The following TCTN2 variants were observed in gnomAD, a reference collection of about 807,000 sequenced individuals.
The protein encoded by TCTN2 is tectonic-2.
A neutral mutation model predicts 83.4 loss-of-function variants in TCTN2; 66 were observed. The ratio of observed to expected loss-of-function variants is 0.79; its 90% confidence interval spans 0.65 to 0.97. The LOEUF (loss-of-function observed/expected upper bound fraction) is 0.97. TCTN2 is among the 50% of genes least tolerant of loss of function. TCTN2 has a pLI of 0.00. For synonymous variants in TCTN2, 301 were observed against 326.7 expected (o/e 0.92, Z 0.85); for missense variants, 794 against 858.1 (o/e 0.93, Z 0.93).
intron 4 of TCTN2, among the ~76,000 whole-genome samples, chr12:123,676,164 C>T (rs1164813497): frequency 1.3e-5 from 2 of 152,048 alleles, no homozygotes; most frequent in Non-Finnish European, 2.9e-5. Context: ...CCTGTAGCCC[C>T]AGCTATGAGG....
chr12:123,707,211 G>T, intron 17 of TCTN2, 138 bp downstream of exon 17: 1 of 762,372 alleles, frequency 1.3e-6, no homozygotes, highest in Non-Finnish European at 2.2e-6. Flanking sequence ...CCACTTGGAA[G>T]TGATCACCAT....
At chr12:123,680,210 G>T (rs1372858426) in intron 5 of TCTN2, among the ~76,000 whole-genome samples, 1 of 151,610 alleles carries the variant, frequency 6.6e-6, no homozygotes, top group East Asian at 2.0e-4. Flanking sequence ...AAATTAGCCA[G>T]GCGTGTTGGT....
intron 4 of TCTN2, among the ~76,000 whole-genome samples, chr12:123,676,566 TAAAAAAAAAA>T (rs60100973): frequency 3.3e-5 from 2 of 60,696 alleles, no homozygotes; most frequent in Non-Finnish European, 6.0e-5. Context: ...AGACTCCATC[TAAAAAAAAAA>T]AAAAAAAAAA....
At chr12:123,706,005 C>T (rs1057128822) in intron 15 of TCTN2, among the ~76,000 whole-genome samples, 2 of 152,136 alleles carry the variant, frequency 1.3e-5, no homozygotes, top group Non-Finnish European at 2.9e-5. Flanking sequence ...ATCTGCCTGC[C>T]TCAGCCTCCC....
In TCTN2 at chr12:123,673,759, CTCAT is replaced by C; in HGVS notation, c.416_419del (p.Ile139LysfsTer10). 6.2e-7 allele frequency: 1 copy of C among 1,614,210 alleles called. No individual in the cohort carries two copies. The highest frequency in any genetic ancestry group is 1.1e-5 in the South Asian group (1 of 91,084). On this transcript the variant is annotated frameshift_variant, in exon 4 of 18. Coordinates refer to ENST00000303372, the MANE Select transcript of TCTN2 (RefSeq NM_024809.5). LOFTEE classifies it high-confidence loss of function. Reference sequence around the variant, plus strand: ...TAATTCATCCTGTTCAGCACATCTACTCATTCAAGTGGAAATTTATGCCAACTCT... The same window carrying C: ...TAATTCATCCTGTTCAGCACATCTACTCAAGTGGAAATTTATGCCAACTCT...
rs1955781068 is a variant in TCTN2, at chr12:123,673,497, A to G, written c.268-118A>G. On this transcript the variant is annotated intron_variant, in intron 3 of 17. Transcript: ENST00000303372. The stretch of plus-strand genomic sequence containing the variant: ...AGATAACTGTGTCATCTCTGTATAC[A>G]TTTCCCTTTTATAAAATGAACGGAG... The G allele has an allele frequency of 8.1e-6, 8 of 989,746 alleles. No homozygotes were observed. The South Asian group carries it at 1.1e-4, about 13-fold the overall frequency. The allele number at this position is 989,746 out of a possible 1,614,324, so 61.3% of individuals were successfully genotyped here. A position where few individuals can be genotyped will look rare whatever the true frequency, so the allele number is the denominator to read the frequency against.
At chr12:123,704,474 T>C (rs1247855690) in intron 14 of TCTN2, 58 bp from the exon 15 acceptor site, 1 of 1,542,946 alleles carries the variant, frequency 6.5e-7, no homozygotes, top group African/African-American at 1.4e-5. Context: ...TATTACGACA[T>C]TGTAGGAAAA....
rs7313032 is a variant in TCTN2 at position 123,688,184 on chromosome 12, G to A, written c.891+7G>A. ...ATATTTTACTATTCCGCAGGTAATC[G>A]TTGCAATATTAGTATGCTAGACCGT... On this transcript the variant is annotated splice_region_variant and intron_variant, in intron 7 of 17. Transcript: ENST00000303372. 628,663 of 1,599,370 alleles carry A rather than the reference G, an allele frequency of 0.39. 129,930 individuals are homozygous for A. Among genetic ancestry groups the A allele is most frequent in the African/African-American group, 0.56 (41,795 of 74,068 alleles).
rs144567556 is a variant in TCTN2, at chr12:123,688,096, C to A, written c.810C>A (p.Asp270Glu). 5.0e-6 allele frequency: 8 copies of A among 1,613,880 alleles called. No homozygotes were observed. The highest frequency in any genetic ancestry group is 6.8e-6 in the Non-Finnish European group (8 of 1,179,942). Residue 270 changes from aspartate (D) to glutamate (E), a missense_variant, in exon 7 of 18, where the codon GAC (aspartate) becomes GAA (glutamate). Transcript: ENST00000303372. ...CCTTTGAAGTATATGTGGATACTGA[C>A]GCAAAAGACTTTGCAGACTTTGGTT... ...DSSFEVYVDT[D>E]AKDFADFGYK...
At chr12:123,674,685 G>A (rs1271456587) in intron 4 of TCTN2, among the ~76,000 whole-genome samples, 1 of 152,122 alleles carries the variant, frequency 6.6e-6, no homozygotes, top group Non-Finnish European at 1.5e-5. Context: ...CTTGAGCCCA[G>A]GAGTTCGAGA....
At chr12:123,687,927 G>A in intron 6 of TCTN2, 124 bp from the exon 7 acceptor site, 1 of 1,336,588 alleles carries the variant, frequency 7.5e-7, no homozygotes, top group Non-Finnish European at 1.1e-6. Context: ...TCACGCCACT[G>A]CACTCCAGCC....
At chr12:123,696,998 AC>A in intron 12 of TCTN2, 88 bp from the exon 13 acceptor site, 1 of 1,039,566 alleles carries the variant, frequency 9.6e-7, no homozygotes, top group Non-Finnish European at 1.5e-6. Context: ...ATTTCTACTT[AC>A]TGTTTTCTGT....
intron 4 of TCTN2, among the ~76,000 whole-genome samples, chr12:123,677,377 G>A (rs945603805): frequency 1.3e-5 from 2 of 152,172 alleles, no homozygotes; most frequent in Non-Finnish European, 2.9e-5. Context: ...CAGCTATTGT[G>A]TCATTACAGT....
chr12:123,696,068 T>C (rs1343466445), intron 11 of TCTN2: 1 of 324,160 alleles, frequency 3.1e-6, no homozygotes, highest in Admixed American at 4.5e-5. Flanking sequence ...GGTCTCGAAC[T>C]CCTGACCTCA....
chr12:123,685,333 A>G (rs943848918), intron 5 of TCTN2, among the ~76,000 whole-genome samples: 1 of 152,332 alleles, frequency 6.6e-6, no homozygotes, highest in Admixed American at 6.5e-5. Context: ...CTCTACTGTC[A>G]ATAAACAAAG....
chr12:123,694,052 G>T (rs2135845565), intron 9 of TCTN2, among the ~76,000 whole-genome samples: 1 of 150,598 alleles, frequency 6.6e-6, no homozygotes, highest in Non-Finnish European at 1.5e-5. Flanking sequence ...GGAGTGTAGT[G>T]ACACAGTCTC....
chr12:123,701,588 A>G (rs925049862), intron 14 of TCTN2, among the ~76,000 whole-genome samples: 2 of 151,948 alleles, frequency 1.3e-5, no homozygotes, highest in African/African-American at 4.8e-5. Context: ...AAATAAAAAA[A>G]AAAAATTAGC....
intron 15 of TCTN2, 56 bp downstream of exon 15, chr12:123,704,744 A>T: frequency 6.4e-7 from 1 of 1,568,990 alleles, no homozygotes; most frequent in Non-Finnish European, 8.8e-7. Context: ...AGTTGAGAGC[A>T]TCCCAAACAA....
At chr12:123,683,173 A>G (rs1465232414) in intron 5 of TCTN2, among the ~76,000 whole-genome samples, 1 of 151,454 alleles carries the variant, frequency 6.6e-6, no homozygotes, top group Non-Finnish European at 1.5e-5. Context: ...CAGTGAGCCA[A>G]GATCGTACCA....
Sources: gnomAD v4.1 joint callset for allele counts (sites outside exome capture counted in the v4.1 genomes callset) on GRCh38, gnomAD v4.1.1 for gene constraint, MANE v1.5 for transcripts, NCBI Gene and HGNC (gene_info 2026-07-23, HGNC 2026-07-21) for gene names.